TMEM178B: variants seen among roughly 807,000 people sequenced by gnomAD.
TMEM178B encodes the protein transmembrane protein 178B.
A neutral mutation model predicts 31.0 loss-of-function variants in TMEM178B; 5 were observed. The ratio of observed to expected loss-of-function variants is 0.16; its 90% CI spans 0.08 to 0.34. The LOEUF (loss-of-function observed/expected upper bound fraction) is 0.34. Ranked by LOEUF, TMEM178B falls within the 10% of genes least tolerant of loss-of-function variation. The pLI, the probability that TMEM178B is intolerant of heterozygous loss-of-function variation, is 1.00. For missense variants in TMEM178B, 275 were observed against 400.3 expected (o/e 0.69, Z 2.67); for synonymous variants, 164 against 164.0 (o/e 1.00, Z 0.00).
At chr7:141,235,410 C>T (rs1442739959) in intron 2 of TMEM178B, among the ~76,000 whole-genome samples, 1 of 152,162 alleles carries the variant, frequency 6.6e-6, no homozygotes, top group Non-Finnish European at 1.5e-5. Context: ...TAAATTACTG[C>T]ATATACTCTA....
At chr7:141,154,999 G>A (rs1796044933) in intron 1 of TMEM178B, among the ~76,000 whole-genome samples, 1 of 152,138 alleles carries the variant, frequency 6.6e-6, no homozygotes, top group Non-Finnish European at 1.5e-5. Context: ...CAAAGTGCTA[G>A]GATTACAGGT....
chr7:141,392,283 A>C (rs1800556900), intron 2 of TMEM178B, among the ~76,000 whole-genome samples: 1 of 152,212 alleles, frequency 6.6e-6, no homozygotes, highest in South Asian at 2.1e-4. Flanking sequence ...CTGACCTTTA[A>C]CACTCAATTC....
intron 1 of TMEM178B, among the ~76,000 whole-genome samples, chr7:141,117,522 AT>A (rs1324436038): frequency 6.6e-6 from 1 of 151,924 alleles, no homozygotes; most frequent in Non-Finnish European, 1.5e-5. Flanking sequence ...ATTAGTTCCC[AT>A]TTGTCAATTT....
intron 2 of TMEM178B, among the ~76,000 whole-genome samples, chr7:141,350,217 C>T (rs996942277): frequency 2.0e-5 from 3 of 152,158 alleles, no homozygotes; most frequent in African/African-American, 7.2e-5. Context: ...TCCTTTCATT[C>T]AGGCCCAGCT....
chr7:141,445,566 A>G (rs527670394), intron 3 of TMEM178B, among the ~76,000 whole-genome samples: 4 of 152,358 alleles, frequency 2.6e-5, no homozygotes, highest in Admixed American at 2.6e-4. Context: ...GAGGCATTAT[A>G]TCTCAAACTT....
intron 2 of TMEM178B, among the ~76,000 whole-genome samples, chr7:141,257,747 T>TTTTA (rs1291837999): frequency 6.6e-6 from 1 of 151,948 alleles, no homozygotes; most frequent in Non-Finnish European, 1.5e-5. Context: ...ATTTTTAAAT[T>TTTTA]TTTATTTATT....
Position 141,074,320 on chromosome 7 carries a change from G to A in TMEM178B, c.10G>A (p.Gly4Arg). ...GCCGCCAAGCGGAGGCATGGCTGCCGGAAGGTTACTGCTCTACACTGGCCT... is the reference window on the plus strand; with the variant it reads ...GCCGCCAAGCGGAGGCATGGCTGCCAGAAGGTTACTGCTCTACACTGGCCT... MAA[G>R]RLLLYTGLSL... is the part of the protein sequence containing the mutation. The change falls in exon 1 of 4, where the codon GGA becomes AGA. Residue 4 changes from glycine (G) to arginine (R), a missense_variant. Transcript: ENST00000565468. This position sits in a 1 kb window ranked among gnomAD's most constrained non-coding sequence, Gnocchi z 5.1. 2.0e-6 allele frequency: 3 copies of A among 1,517,140 alleles called. No individual in the cohort carries two copies. The highest frequency in any genetic ancestry group is 2.6e-6 in the Non-Finnish European group (3 of 1,133,876). The allele number at this position is 1,517,140 out of a possible 1,614,324, so 94.0% of individuals were successfully genotyped here.
At chr7:141,237,013 C>A (rs1414456843) in intron 2 of TMEM178B, among the ~76,000 whole-genome samples, 1 of 152,200 alleles carries the variant, frequency 6.6e-6, no homozygotes, top group Non-Finnish European at 1.5e-5. Context: ...GAGAAATGGA[C>A]ATTTCTAACA....
At chr7:141,264,007 G>A (rs376007567) in intron 2 of TMEM178B, among the ~76,000 whole-genome samples, 2 of 152,180 alleles carry the variant, frequency 1.3e-5, no homozygotes, top group South Asian at 4.1e-4. Context: ...TGGAGTCATG[G>A]AGAGTGGTAC....
chr7:141,255,648 G>GTTT (rs5887995), intron 2 of TMEM178B, among the ~76,000 whole-genome samples: 1 of 151,010 alleles, frequency 6.6e-6, no homozygotes. Context: ...TATTTTTCTA[G>GTTT]TTTTTTTTTT....
intron 1 of TMEM178B, among the ~76,000 whole-genome samples, chr7:141,135,772 C>T (rs531018672): frequency 2.6e-5 from 4 of 151,934 alleles, no homozygotes; most frequent in African/African-American, 7.2e-5. Flanking sequence ...ATGCCTATAT[C>T]GAAAAAGTGG....
chr7:141,294,518 G>T (rs529899572), intron 2 of TMEM178B, among the ~76,000 whole-genome samples: 2 of 152,144 alleles, frequency 1.3e-5, no homozygotes, highest in African/African-American at 2.4e-5. Flanking sequence ...GGCTCAGGGT[G>T]AGCATCCTTT....
chr7:141,220,357 AATAAAATAAT>A (rs1797237948), intron 2 of TMEM178B, among the ~76,000 whole-genome samples: 2 of 100,038 alleles, frequency 2.0e-5, no homozygotes, highest in African/African-American at 7.7e-5. Context: ...TAATAATAAT[AATAAAATAAT>A]AAATGCATGT....
At chr7:141,285,910 G>A (rs1798440694) in intron 2 of TMEM178B, among the ~76,000 whole-genome samples, 4 of 152,116 alleles carry the variant, frequency 2.6e-5, no homozygotes, top group African/African-American at 4.8e-5. Context: ...CATGGACACA[G>A]GGAGGGGAAC....
chr7:141,361,484 A>T (rs919354614), intron 2 of TMEM178B, among the ~76,000 whole-genome samples: 4 of 152,240 alleles, frequency 2.6e-5, no homozygotes, highest in Non-Finnish European at 4.4e-5. Context: ...CACACTTTAC[A>T]TGTTTAAAAG....
intron 3 of TMEM178B, among the ~76,000 whole-genome samples, chr7:141,460,523 A>ATCCGTAGATGTGG (rs1802042406): frequency 6.6e-6 from 1 of 152,252 alleles, no homozygotes. Context: ...TTCCATGGCC[A>ATCCGTAGATGTGG]TCCGTAGATG....
chr7:141,232,935 T>G (rs1028598904), intron 2 of TMEM178B, among the ~76,000 whole-genome samples: 3 of 152,220 alleles, frequency 2.0e-5, no homozygotes, highest in African/African-American at 7.2e-5. Context: ...GGAGATGATC[T>G]GAGTACAGCT....
At chr7:141,275,370 T>C (rs1312682448) in intron 2 of TMEM178B, among the ~76,000 whole-genome samples, 1 of 152,184 alleles carries the variant, frequency 6.6e-6, no homozygotes. Flanking sequence ...TATGAATGTA[T>C]ACAACGGGGT....
At chr7:141,249,415 A>G (rs1016885453) in intron 2 of TMEM178B, among the ~76,000 whole-genome samples, 1 of 152,228 alleles carries the variant, frequency 6.6e-6, no homozygotes, top group Non-Finnish European at 1.5e-5. Context: ...AGTCTCAGGT[A>G]TGTCTTTATC....
Sources: gnomAD v4.1 joint callset for allele counts (sites outside exome capture counted in the v4.1 genomes callset) on GRCh38, gnomAD v4.1.1 for gene constraint, Gnocchi (gnomAD v3.1) non-coding constraint, MANE v1.5 for transcripts, NCBI Gene and HGNC (gene_info 2026-07-23, HGNC 2026-07-21) for gene names.